Variants in GLIPR1L2 observed in about 807,000 individuals in gnomAD.
The protein encoded by GLIPR1L2 is GLIPR1-like protein 2.
GLIPR1L2 carries 21 observed loss-of-function variants against 28.4 expected under a neutral mutation model. The observed-to-expected ratio is 0.74, with a 90% confidence interval of 0.52 to 1.06. GLIPR1L2 has a LOEUF of 1.06. GLIPR1L2 is among the 50% of genes least tolerant of loss of function. The pLI, the probability that GLIPR1L2 is intolerant of heterozygous loss-of-function variation, is 0.00. For synonymous variants in GLIPR1L2, 145 were observed against 139.3 expected, an observed-to-expected ratio of 1.04 and a Z score of -0.29; for missense variants, 476 against 416.9, an observed-to-expected ratio of 1.14 and a Z score of -1.23.
At chr12:75,429,962 A>C (rs1664838987) in intron 4 of GLIPR1L2, among the ~76,000 whole-genome samples, 1 of 130,770 alleles carries the variant, frequency 7.6e-6, no homozygotes, top group Non-Finnish European at 1.6e-5. Context: ...TTTGAGACAG[A>C]GTCTTGCTCT....
rs748704522 is a variant in GLIPR1L2 at position 75,391,127 on chromosome 12, C to G, written c.11C>G (p.Ala4Gly). The change falls in exon 1 of 6, where the codon GCA becomes GGA. Residue 4 changes from alanine (A) to glycine (G), a missense_variant. Physicochemically the swap from Ala to Gly is moderately conservative, Grantham distance 60 (BLOSUM62 0). Transcript: ENST00000550916. MEA[A>G]RPFAREWRAQ... is the part of the protein sequence containing the mutation. ...AGCGGCCGGTGGACCATGGAGGCCG[C>G]AAGGCCCTTCGCCCGGGAGTGGAGG... 5 of 1,613,194 alleles carry G rather than the reference C, an allele frequency of 3.1e-6. No individual in the cohort carries two copies. The highest frequency in any genetic ancestry group is 1.7e-5 in the Admixed American group (1 of 60,002).
intron 5 of GLIPR1L2, 39 bp from the exon 6 acceptor site, chr12:75,430,785 T>C: frequency 6.5e-7 from 1 of 1,532,888 alleles, no homozygotes; most frequent in Non-Finnish European, 8.7e-7. Flanking sequence ...TGAACTGCTT[T>C]ATATGAAATC....
intron 3 of GLIPR1L2, among the ~76,000 whole-genome samples, chr12:75,419,120 C>A (rs770463217): frequency 8.6e-5 from 13 of 151,956 alleles, no homozygotes; most frequent in Non-Finnish European, 1.8e-4. Context: ...TGTAACAAAC[C>A]TGCATGTTCT....
intron 3 of GLIPR1L2, among the ~76,000 whole-genome samples, chr12:75,415,503 A>G (rs1024701656): frequency 2.0e-4 from 30 of 152,110 alleles, no homozygotes; most frequent in Admixed American, 6.6e-5. Flanking sequence ...AAGCAGCAAC[A>G]TTTATTATCA....
intron 5 of GLIPR1L2, 41 bp downstream of exon 5, chr12:75,430,782 C>G: frequency 6.5e-7 from 1 of 1,533,004 alleles, no homozygotes; most frequent in Non-Finnish European, 8.7e-7. Flanking sequence ...AATTGAACTG[C>G]TTTATATGAA....
chr12:75,402,019 C>T (rs1156498776), intron 1 of GLIPR1L2, among the ~76,000 whole-genome samples: 5 of 151,990 alleles, frequency 3.3e-5, no homozygotes, highest in African/African-American at 1.2e-4. Context: ...TAGACACATT[C>T]GTGATAAGCC....
chr12:75,423,490 A>G, intron 4 of GLIPR1L2: 1 of 822,810 alleles, frequency 1.2e-6, no homozygotes, highest in South Asian at 5.6e-5. Flanking sequence ...CTCCAAAAGT[A>G]TAACTGTAGC....
chr12:75,421,780 T>C (rs2045978353), intron 3 of GLIPR1L2, among the ~76,000 whole-genome samples: 1 of 152,176 alleles, frequency 6.6e-6, no homozygotes, highest in South Asian at 2.1e-4. Flanking sequence ...CCATTTATAT[T>C]TATTTGCTTC....
intron 3 of GLIPR1L2, among the ~76,000 whole-genome samples, chr12:75,421,819 C>A (rs1242320478): frequency 2.6e-5 from 4 of 151,838 alleles, no homozygotes; most frequent in Admixed American, 6.6e-5. Context: ...TTTATATATA[C>A]CCCCAAAATA....
At chr12:75,399,964 C>T (rs55783970) in intron 1 of GLIPR1L2, among the ~76,000 whole-genome samples, 30,931 of 152,040 alleles carry the variant, frequency 0.2, 3,632 homozygotes, top group African/African-American at 0.3. Flanking sequence ...TATCCCTAAA[C>T]GGTTATTCAC....
chr12:75,428,935 G>A (rs950342470), intron 4 of GLIPR1L2, among the ~76,000 whole-genome samples: 10 of 152,222 alleles, frequency 6.6e-5, no homozygotes, highest in Non-Finnish European at 1.2e-4. Flanking sequence ...AGATTTCAGA[G>A]GATGTTTGGA....
At chr12:75,426,209 G>A (rs750612725) in intron 4 of GLIPR1L2, among the ~76,000 whole-genome samples, 12 of 152,166 alleles carry the variant, frequency 7.9e-5, no homozygotes, top group Admixed American at 5.2e-4. Context: ...TAAATTACTG[G>A]ACTTCAGTGG....
At chr12:75,391,597 AT>A in intron 1 of GLIPR1L2, 1 of 1,284,608 alleles carries the variant, frequency 7.8e-7, no homozygotes, top group Non-Finnish European at 1.1e-6. Flanking sequence ...TGAAGTGCAG[AT>A]TTTAAGGGGG....
intron 1 of GLIPR1L2, among the ~76,000 whole-genome samples, chr12:75,395,144 T>C (rs2045669898): frequency 6.6e-6 from 1 of 152,052 alleles, no homozygotes; most frequent in African/African-American, 2.4e-5. Flanking sequence ...TAACAGTTTT[T>C]TTGTGTGTGG....
At chr12:75,398,464 G>T (rs1593999458) in intron 1 of GLIPR1L2, among the ~76,000 whole-genome samples, 3 of 152,058 alleles carry the variant, frequency 2.0e-5, no homozygotes, top group African/African-American at 7.2e-5. Flanking sequence ...CATTTTTATG[G>T]GTTTGTAATA....
chr12:75,425,361 A>G (rs2046023661), intron 4 of GLIPR1L2, among the ~76,000 whole-genome samples: 1 of 152,160 alleles, frequency 6.6e-6, no homozygotes, highest in Non-Finnish European at 1.5e-5. Flanking sequence ...TAAAGGGGGC[A>G]TCCATACTTA....
intron 1 of GLIPR1L2, 45 bp from the exon 2 acceptor site, chr12:75,410,389 A>G (rs1255849870): frequency 6.9e-7 from 1 of 1,440,286 alleles, no homozygotes; most frequent in Non-Finnish European, 9.2e-7. Context: ...TTAGACTACA[A>G]AAAAAAACTT....
intron 4 of GLIPR1L2, among the ~76,000 whole-genome samples, chr12:75,426,682 T>C (rs562245926): frequency 6.6e-6 from 1 of 152,354 alleles, no homozygotes; most frequent in Non-Finnish European, 1.5e-5. Context: ...CTTTGGCAAT[T>C]GATGTTCCCA....
chr12:75,412,422 G>A (rs1474657331), intron 2 of GLIPR1L2, among the ~76,000 whole-genome samples: 1 of 151,556 alleles, frequency 6.6e-6, no homozygotes, highest in Non-Finnish European at 1.5e-5. Flanking sequence ...ACAAAATGGG[G>A]GAAAATTTTC....
Sources: gnomAD v4.1 joint callset for allele counts (sites outside exome capture counted in the v4.1 genomes callset) on GRCh38, gnomAD v4.1.1 for gene constraint, MANE v1.5 for transcripts, NCBI Gene and HGNC (gene_info 2026-07-23, HGNC 2026-07-21) for gene names.